Variants in CAMTA1 observed in about 807,000 individuals in gnomAD.
CAMTA1 encodes calmodulin-binding transcription activator 1.
A neutral mutation model predicts 170.9 loss-of-function variants in CAMTA1; 27 were observed. The ratio of observed to expected loss-of-function variants is 0.16; its 90% confidence interval spans 0.12 to 0.22. The LOEUF is 0.22. CAMTA1 is among the 10% of genes least tolerant of loss of function. The probability of loss-of-function intolerance (pLI) is 1.00; values close to 1 mark genes in which losing one functional copy is unlikely to be tolerated. For synonymous variants in CAMTA1, 833 were observed against 891.5 expected, an observed-to-expected ratio of 0.93 and a Z score of 1.17; for missense variants, 1,619 against 2,217.2, an observed-to-expected ratio of 0.73 and a Z score of 5.42.
At chr1:7,677,576 T>A (rs745953230) in intron 10 of CAMTA1, 23 bp from the exon 11 acceptor site, 1 of 1,610,268 alleles carries the variant, frequency 6.2e-7, no homozygotes, top group East Asian at 2.2e-5. Flanking sequence ...TCCCTTGACC[T>A]GGTCTTTTTC....
chr1:7,722,081 G>A (rs1267369816), intron 11 of CAMTA1, among the ~76,000 whole-genome samples: 2 of 152,144 alleles, frequency 1.3e-5, no homozygotes, highest in East Asian at 3.9e-4. Context: ...TGAGGGCCTG[G>A]GAAATCTGGC....
At chr1:7,596,177 G>T (rs949427658) in intron 6 of CAMTA1, among the ~76,000 whole-genome samples, 2 of 152,232 alleles carry the variant, frequency 1.3e-5, no homozygotes, top group African/African-American at 4.8e-5. Flanking sequence ...AGTGGCTGGT[G>T]CAAGTGGGGC....
chr1:7,334,828 CA>C (rs1247933939), intron 5 of CAMTA1, among the ~76,000 whole-genome samples: 1 of 152,044 alleles, frequency 6.6e-6, no homozygotes, highest in Non-Finnish European at 1.5e-5. Flanking sequence ...CCAGCTCTGC[CA>C]AGCCATAAAA....
At chr1:7,343,283 TG>T (rs1289954995) in intron 5 of CAMTA1, among the ~76,000 whole-genome samples, 2 of 152,310 alleles carry the variant, frequency 1.3e-5, no homozygotes, top group East Asian at 3.9e-4. Flanking sequence ...GTGAGTTTCC[TG>T]TGCCTCAGCT....
intron 7 of CAMTA1, among the ~76,000 whole-genome samples, chr1:7,659,157 G>A (rs1042071963): frequency 5.9e-5 from 9 of 152,206 alleles, no homozygotes; most frequent in African/African-American, 2.2e-4. Flanking sequence ...CGGGTCAGGC[G>A]ACAGCACACA....
At chr1:7,602,415 T>C (rs185182651) in intron 6 of CAMTA1, among the ~76,000 whole-genome samples, 1,708 of 152,300 alleles carry the variant, frequency 0.011, 20 homozygotes, top group African/African-American at 0.038. Context: ...TTTATCCATT[T>C]CTTCTAGATT....
chr1:7,284,202 T>C (rs1349971197), intron 5 of CAMTA1, among the ~76,000 whole-genome samples: 2 of 145,938 alleles, frequency 1.4e-5, no homozygotes, highest in Admixed American at 6.9e-5. Context: ...ATTATTATTA[T>C]TATTATTATT....
At chr1:7,703,773 C>G (rs2096468849) in intron 11 of CAMTA1, among the ~76,000 whole-genome samples, 1 of 152,136 alleles carries the variant, frequency 6.6e-6, no homozygotes, top group Non-Finnish European at 1.5e-5. Flanking sequence ...TGTGCGAGGC[C>G]GTGGGACTGC....
At chr1:7,631,623 G>A (rs2095669899) in intron 6 of CAMTA1, among the ~76,000 whole-genome samples, 1 of 152,198 alleles carries the variant, frequency 6.6e-6, no homozygotes, top group African/African-American at 2.4e-5. Context: ...ACTATGCATT[G>A]GAGCCATCAG....
intron 6 of CAMTA1, among the ~76,000 whole-genome samples, chr1:7,480,412 T>C (rs1420342707): frequency 2.6e-5 from 4 of 151,848 alleles, no homozygotes; most frequent in Non-Finnish European, 5.9e-5. Context: ...TGTGTGTGTG[T>C]GTGTGAGAGA....
intron 5 of CAMTA1, among the ~76,000 whole-genome samples, chr1:7,313,596 T>C (rs2149635984): frequency 6.6e-6 from 1 of 152,312 alleles, no homozygotes; most frequent in East Asian, 1.9e-4. Flanking sequence ...TATTTTTCTT[T>C]TTCTCCTTAG....
chr1:7,348,894 GC>G (rs2084431907), intron 5 of CAMTA1, among the ~76,000 whole-genome samples: 2 of 152,180 alleles, frequency 1.3e-5, no homozygotes. Flanking sequence ...TCCCTCAGTT[GC>G]CCATCAAAGT....
chr1:7,523,130 G>C (rs570660404), intron 6 of CAMTA1, among the ~76,000 whole-genome samples: 1 of 152,368 alleles, frequency 6.6e-6, no homozygotes, highest in African/African-American at 2.4e-5. Context: ...GCCTCCCAAA[G>C]TTCTGGGATT....
chr1:7,127,320 G>A (rs1037519643), intron 4 of CAMTA1, among the ~76,000 whole-genome samples: 4 of 127,434 alleles, frequency 3.1e-5, no homozygotes, highest in African/African-American at 9.1e-5. Context: ...GTCTTCAACC[G>A]TTGCACCCAG....
chr1:7,151,902 TATA>T (rs990655799), intron 4 of CAMTA1, among the ~76,000 whole-genome samples: 2 of 152,224 alleles, frequency 1.3e-5, no homozygotes, highest in African/African-American at 4.8e-5. Context: ...CATTATACGT[TATA>T]ATGTGTTTTT....
At chr1:6,981,329 A>G (rs1694403169) in intron 3 of CAMTA1, among the ~76,000 whole-genome samples, 1 of 152,090 alleles carries the variant, frequency 6.6e-6, no homozygotes, top group African/African-American at 2.4e-5. Flanking sequence ...ACTTTAGAAG[A>G]TGGTAATTGC....
intron 3 of CAMTA1, among the ~76,000 whole-genome samples, chr1:6,845,615 C>CA (rs1403124859): frequency 1.3e-5 from 2 of 152,280 alleles, no homozygotes; most frequent in African/African-American, 4.8e-5. Flanking sequence ...TTTAAAGAAA[C>CA]AATGTTACCA....
At chr1:7,151,279 AT>A (rs1160020546) in intron 4 of CAMTA1, among the ~76,000 whole-genome samples, 1 of 152,202 alleles carries the variant, frequency 6.6e-6, no homozygotes, top group African/African-American at 2.4e-5. Flanking sequence ...TTCCTCTGAA[AT>A]GTAGCACCCG....
At chr1:7,448,873 T>C (rs1377832798) in intron 5 of CAMTA1, among the ~76,000 whole-genome samples, 1 of 152,200 alleles carries the variant, frequency 6.6e-6, no homozygotes, top group Admixed American at 6.5e-5. Flanking sequence ...CATTCAGACA[T>C]TGCAGGCCCC....
Sources: gnomAD v4.1 joint callset for allele counts (sites outside exome capture counted in the v4.1 genomes callset) on GRCh38, gnomAD v4.1.1 for gene constraint, MANE v1.5 for transcripts, NCBI Gene and HGNC (gene_info 2026-07-23, HGNC 2026-07-21) for gene names.